The following TTBK2 variants were observed in gnomAD, a reference collection of about 807,000 sequenced individuals.
TTBK2 encodes tau tubulin kinase 2.
In TTBK2, 28 loss-of-function variants were observed where a neutral mutation model predicts 110.8. That is an observed-to-expected ratio of 0.25 (90% CI 0.19 to 0.35). The LOEUF (loss-of-function observed/expected upper bound fraction) is 0.35, where lower values mean the gene tolerates loss of function less well. Ranked by LOEUF, TTBK2 falls within the 10% of genes least tolerant of loss-of-function variation. The pLI, the probability that TTBK2 is intolerant of heterozygous loss-of-function variation, is 1.00. For missense variants in TTBK2, 1,369 were observed against 1,500.3 expected (o/e 0.91, Z 1.45); for synonymous variants, 532 against 527.3 (o/e 1.01, Z -0.12).
At chr15:42,888,781 C>T (rs537476445) in intron 1 of TTBK2, among the ~76,000 whole-genome samples, 2 of 152,294 alleles carry the variant, frequency 1.3e-5, no homozygotes, top group South Asian at 4.1e-4. Context: ...GAGTCATTCA[C>T]TGCAACGGCC....
intron 1 of TTBK2, among the ~76,000 whole-genome samples, chr15:42,895,820 AGCCACCACACCTG>A (rs1031708286): frequency 2.6e-5 from 4 of 151,868 alleles, no homozygotes; most frequent in African/African-American, 9.7e-5. Flanking sequence ...TACAGGTGTG[AGCCACCACACCTG>A]GCCATCAAAA....
intron 1 of TTBK2, among the ~76,000 whole-genome samples, chr15:42,917,890 ACT>A (rs1462013095): frequency 1.3e-5 from 2 of 152,162 alleles, no homozygotes; most frequent in South Asian, 4.1e-4. Context: ...AATTGAAAAC[ACT>A]GTTTGCTATA....
At chr15:42,812,206 C>T (rs1186869333) in intron 7 of TTBK2, among the ~76,000 whole-genome samples, 1 of 152,166 alleles carries the variant, frequency 6.6e-6, no homozygotes, top group African/African-American at 2.4e-5. Flanking sequence ...CTTGGGCCTA[C>T]ATAGGACATG....
At chr15:42,897,724 G>C (rs1480219193) in intron 1 of TTBK2, among the ~76,000 whole-genome samples, 1 of 151,982 alleles carries the variant, frequency 6.6e-6, no homozygotes, top group Non-Finnish European at 1.5e-5. Context: ...ACCCATACAA[G>C]ACAGGAGACA....
chr15:42,745,296 A>T lies in TTBK2; in HGVS notation c.*499T>A. ...CATTCTCAATACACGAAATAAACAC[A>T]CAAGCCAAATATACATGAATACTGG... On this transcript the variant is annotated 3_prime_UTR_variant, in exon 15 of 15. Transcript: ENST00000267890. 5.6e-6 allele frequency: 1 copy of T among 179,202 alleles called. No homozygotes were observed. Among genetic ancestry groups the T allele is most frequent in the East Asian group, 1.4e-4 (1 of 7,016 alleles). The allele number at this position is 179,202 out of a possible 1,614,324, so 11.1% of individuals were successfully genotyped here. A position where few individuals can be genotyped will look rare whatever the true frequency, so the allele number is the denominator to read the frequency against.
At chr15:42,809,100 C>CTTACA (rs1891598485) in intron 9 of TTBK2, among the ~76,000 whole-genome samples, 1 of 152,246 alleles carries the variant, frequency 6.6e-6, no homozygotes, top group South Asian at 2.1e-4. Context: ...ACACCCATCA[C>CTTACA]TTACATAACA....
intron 2 of TTBK2, among the ~76,000 whole-genome samples, chr15:42,873,206 C>T (rs558491918): frequency 3.3e-5 from 5 of 152,186 alleles, no homozygotes; most frequent in Admixed American, 6.5e-5. Context: ...CCAAGGCGGG[C>T]GGCTCACTTG....
intron 3 of TTBK2, among the ~76,000 whole-genome samples, chr15:42,857,907 ACT>A (rs1894008464): frequency 6.6e-6 from 1 of 151,474 alleles, no homozygotes; most frequent in African/African-American, 2.4e-5. Context: ...ACATGGTGAA[ACT>A]CTGTCTCTAC....
chr15:42,798,215 G>A, intron 9 of TTBK2: 1 of 456,012 alleles, frequency 2.2e-6, no homozygotes, highest in Non-Finnish European at 4.4e-6. Flanking sequence ...AATGTCACTG[G>A]GGAACAAAGC....
intron 3 of TTBK2, among the ~76,000 whole-genome samples, chr15:42,866,156 T>C (rs367964946): frequency 6.6e-6 from 1 of 151,986 alleles, no homozygotes; most frequent in Admixed American, 6.5e-5. Flanking sequence ...AAGGGCATCA[T>C]AGCCAAGCAC....
chr15:42,753,208 T>C lies in TTBK2; in HGVS notation c.2038A>G (p.Thr680Ala), dbSNP rs2061894971. ...PRPSVASTQS[T>A]SGSFHCGQQP... ...TGACCACAGTGAAAGCTTCCTGAAGTTGACTGTGTAGATGCCACAGAAGGT... is the reference window on the plus strand; with the variant it reads ...TGACCACAGTGAAAGCTTCCTGAAGCTGACTGTGTAGATGCCACAGAAGGT... Residue 680 changes from threonine (T) to alanine (A), a missense_variant, in exon 14 of 15, where the codon ACT (threonine) becomes GCT (alanine). Physicochemically the swap from Thr to Ala is moderately conservative, Grantham distance 58 (BLOSUM62 0). Around this residue, in one of 4 missense-constraint regions of TTBK2, gnomAD observed 1,097 missense variants for 1,114.7 expected, o/e 0.98. Transcript: ENST00000267890. The C allele has an allele frequency of 6.2e-7, 1 of 1,612,706 alleles. No homozygotes were observed. The highest frequency in any genetic ancestry group is 1.3e-5 in the African/African-American group (1 of 74,820).
chr15:42,821,703 T>C (rs1400264696), intron 6 of TTBK2, among the ~76,000 whole-genome samples: 2 of 150,454 alleles, frequency 1.3e-5, no homozygotes, highest in Non-Finnish European at 3.0e-5. Flanking sequence ...TTTTGTTTTT[T>C]TTTTTGAGAC....
intron 4 of TTBK2, among the ~76,000 whole-genome samples, chr15:42,832,119 T>C (rs2140991748): frequency 6.6e-6 from 1 of 152,298 alleles, no homozygotes; most frequent in Non-Finnish European, 1.5e-5. Context: ...AAATTTGTTG[T>C]TCCCTGCACC....
At chr15:42,917,143 C>A (rs1214175386) in intron 1 of TTBK2, among the ~76,000 whole-genome samples, 1 of 151,906 alleles carries the variant, frequency 6.6e-6, no homozygotes, top group Non-Finnish European at 1.5e-5. Context: ...GGAAGCTTTA[C>A]CCTAACTGAA....
At chr15:42,912,636 G>A (rs1207379465) in intron 1 of TTBK2, among the ~76,000 whole-genome samples, 2 of 151,908 alleles carry the variant, frequency 1.3e-5, no homozygotes, top group Non-Finnish European at 1.5e-5. Context: ...GCTTGAACCC[G>A]GGAGGCGGAG....
At chr15:42,901,205 A>G (rs1352732749) in intron 1 of TTBK2, among the ~76,000 whole-genome samples, 1 of 152,000 alleles carries the variant, frequency 6.6e-6, no homozygotes, top group East Asian at 1.9e-4. Flanking sequence ...TACTAAAAAT[A>G]CAAAAAATTA....
chr15:42,878,875 C>T (rs1272603754), intron 1 of TTBK2, among the ~76,000 whole-genome samples, 191 bp from the exon 2 acceptor site: 1 of 151,868 alleles, frequency 6.6e-6, no homozygotes, highest in Non-Finnish European at 1.5e-5. Context: ...TTACAGATGC[C>T]CAGTGAAATA....
chr15:42,827,097 T>C (rs771286271), intron 6 of TTBK2, among the ~76,000 whole-genome samples: 4 of 152,184 alleles, frequency 2.6e-5, no homozygotes, highest in Non-Finnish European at 4.4e-5. Context: ...AACAGCTGGA[T>C]GTGGCCAAGG....
intron 1 of TTBK2, chr15:42,919,894 G>T: frequency 1.2e-6 from 1 of 815,900 alleles, no homozygotes; most frequent in Non-Finnish European, 1.5e-6. Flanking sequence ...AGCATCCCAG[G>T]GTGTCAACAT....
Sources: allele counts gnomAD v4.1 joint callset (sites outside exome capture counted in the v4.1 genomes callset), GRCh38; gene constraint gnomAD v4.1.1; regional missense constraint gnomAD v4.1.1; transcripts MANE v1.5; gene names NCBI Gene and HGNC (gene_info 2026-07-23, HGNC 2026-07-21).